ZNF484: variants seen among roughly 807,000 people sequenced by gnomAD.
The protein encoded by ZNF484 is KRAB box containing C2H2 type zinc finger bA526D8.4.
ZNF484 carries 11 observed loss-of-function variants against 12.9 expected under a neutral mutation model. The ratio of observed to expected loss-of-function variants is 0.85; its 90% CI spans 0.54 to 1.41. The LOEUF (loss-of-function observed/expected upper bound fraction) is 1.41. Among genes scored for constraint, ZNF484 ranks in the 40% most tolerant of loss-of-function variants. The pLI is 0.00. For synonymous variants in ZNF484, 289 were observed against 334.1 expected (o/e 0.86, Z 1.47); for missense variants, 807 against 1,007.7 (o/e 0.80, Z 2.70).
In ZNF484 at chr9:92,847,177, G is replaced by C; in HGVS notation, c.1610C>G (p.Ser537Cys). Residue 537 changes from serine (S) to cysteine (C), a missense_variant, in exon 5 of 5, where the codon TCT (serine) becomes TGT (cysteine). Coordinates refer to ENST00000375495, the MANE Select transcript of ZNF484 (RefSeq NM_031486.4). ...ACACTTCTGATGTATCCTGAGCCGA[G>C]ACTTCCAGGTGAATGATTTTCCACA... ...SDCGKSFTWK[S>C]RLRIHQKCHT... 1 of 1,614,068 alleles carries C rather than the reference G, an allele frequency of 6.2e-7. No individual in the cohort carries two copies. Among genetic ancestry groups the C allele is most frequent in the East Asian group, 2.2e-5 (1 of 44,876 alleles).
intron 2 of ZNF484, chr9:92,862,107 T>G: frequency 1.0e-6 from 1 of 953,904 alleles, no homozygotes; most frequent in Non-Finnish European, 1.2e-6. Flanking sequence ...AGGCTCTGTT[T>G]AAATTCTCTT....
rs772050434 is a variant in ZNF484, at chr9:92,847,957, T to G, written c.830A>C (p.Lys277Thr). Residue 277 changes from lysine to threonine, a missense_variant, in exon 5 of 5, where the codon AAG (lysine) becomes ACG (threonine). Lys to Thr is a moderately conservative substitution (Grantham distance 78). Transcript: ENST00000375495. Reference sequence around the variant, plus strand: ...CTCACATTCATGGCATTCATGCTGCTTTTCTTCAGCACAAATACTCTCATG... The same window carrying G: ...CTCACATTCATGGCATTCATGCTGCGTTTCTTCAGCACAAATACTCTCATG... ...FAHESICAEE[K>T]QHECHECEAV... 6.2e-7 allele frequency: 1 copy of G among 1,614,262 alleles called. No homozygotes were observed. Among genetic ancestry groups the G allele is most frequent in the East Asian group, 2.2e-5 (1 of 44,886 alleles).
chr9:92,865,685 T>C (rs1327629866), intron 2 of ZNF484, among the ~76,000 whole-genome samples: 1 of 152,082 alleles, frequency 6.6e-6, no homozygotes, highest in East Asian at 1.9e-4. Flanking sequence ...GGCAGGAGGA[T>C]TGCTTGAGAG....
rs1466925390 is a variant in ZNF484 at position 92,848,746 on chromosome 9, T to C, written c.236-195A>G. 2.7e-5 allele frequency among the ~76,000 whole-genome samples: 4 copies of C among 150,648 alleles called. No homozygotes were observed. The highest frequency in any genetic ancestry group is 9.8e-5 in the African/African-American group (4 of 40,906). ...CTGCTAAAAAACACTCAAAATATTG[T>C]CTCTACTAAAAATTAGCCAGGCGTG... On this transcript the variant is annotated intron_variant, in intron 4 of 4. Transcript: ENST00000375495. This position sits in a 1 kb window ranked among gnomAD's most constrained non-coding sequence, Gnocchi z 4.1.
chr9:92,869,627 G>A (rs1196557462), intron 2 of ZNF484, among the ~76,000 whole-genome samples: 2 of 152,216 alleles, frequency 1.3e-5, no homozygotes, highest in African/African-American at 2.4e-5. Flanking sequence ...GTGTACGTGA[G>A]TGTCAAGGGC....
chr9:92,852,490 A>G (rs1436810859), intron 4 of ZNF484, among the ~76,000 whole-genome samples: 3 of 148,038 alleles, frequency 2.0e-5, no homozygotes, highest in Non-Finnish European at 4.4e-5. Context: ...GCCTCAGCCT[A>G]AAGTGCTGGG....
At chr9:92,864,983 C>A (rs769769904) in intron 2 of ZNF484, among the ~76,000 whole-genome samples, 5 of 151,878 alleles carry the variant, frequency 3.3e-5, no homozygotes, top group African/African-American at 9.7e-5. Context: ...CTGAACAACA[C>A]AAATAAGCTG....
Position 92,847,799 on chromosome 9 carries a change from AT to A in ZNF484, c.987del (p.Lys329AsnfsTer71). ...QKTPYEGNYY[K>X]CSDYGRAFIQ... is the part of the protein sequence containing the mutation. ...ATAAAGGCTCTTCCATAGTCACTGC[AT>A]TTATAGTAATTCCCCTCATAAGGAG... On this transcript the variant is annotated frameshift_variant, in exon 5 of 5. Transcript: ENST00000375495. LOFTEE classifies it low-confidence loss of function (END_TRUNC). The A allele has an allele frequency of 6.2e-7, 1 of 1,614,056 alleles. No homozygotes were observed. Among genetic ancestry groups the A allele is most frequent in the Non-Finnish European group, 8.5e-7 (1 of 1,180,024 alleles).
Position 92,860,620 on chromosome 9 carries a change from CAACAA to C in ZNF484, c.16-4307_16-4303del, listed in dbSNP as rs1448035846. Among the ~76,000 whole-genome samples, 4 of 124,754 alleles carry C rather than the reference CAACAA, an allele frequency of 3.2e-5. No homozygotes were observed. In the South Asian group the frequency reaches 7.4e-4, roughly 23 times the overall value. 81.8% of individuals were successfully genotyped at this position (124,754 alleles called of 152,430 possible). On this transcript the variant is annotated intron_variant, in intron 2 of 4. Transcript: ENST00000375495. The stretch of plus-strand genomic sequence containing the variant: ...CTCCATCTCAAAAAAAAAAAAAAAA[CAACAA>C]AACAAAACAAACAAAAAAAAACCAG...
intron 2 of ZNF484, among the ~76,000 whole-genome samples, chr9:92,865,292 A>C (rs943159120): frequency 2.0e-4 from 31 of 152,140 alleles, no homozygotes; most frequent in Non-Finnish European, 4.4e-4. Flanking sequence ...ATCAAAACAA[A>C]AACAACAACA....
At chr9:92,860,761 CAA>C (rs1856742553) in intron 2 of ZNF484, among the ~76,000 whole-genome samples, 1 of 152,034 alleles carries the variant, frequency 6.6e-6, no homozygotes, top group Non-Finnish European at 1.5e-5. Flanking sequence ...TGCATTAGCT[CAA>C]AGAGAGGTAG....
intron 1 of ZNF484, among the ~76,000 whole-genome samples, chr9:92,876,692 T>TA (rs1316054356): frequency 2.0e-5 from 3 of 152,136 alleles, no homozygotes; most frequent in Non-Finnish European, 2.9e-5. Flanking sequence ...TGAAAAAGGA[T>TA]AAAAAATGCA....
chr9:92,870,774 G>A (rs1857382808), intron 2 of ZNF484, among the ~76,000 whole-genome samples: 2 of 152,140 alleles, frequency 1.3e-5, no homozygotes, highest in African/African-American at 4.8e-5. Flanking sequence ...CAGAAACAAG[G>A]TACCCTCTCC....
rs916000622 is a variant in ZNF484 at position 92,846,076 on chromosome 9, CT to C, written c.*151del. 9 of 743,838 alleles carry C rather than the reference CT, an allele frequency of 1.2e-5. No homozygotes were observed. In the African/African-American group the frequency reaches 1.4e-4, roughly 12 times the overall value. The allele number at this position is 743,838 out of a possible 1,614,324, so 46.1% of individuals were successfully genotyped here. A position where few individuals can be genotyped will look rare whatever the true frequency, so the allele number is the denominator to read the frequency against. On this transcript the variant is annotated 3_prime_UTR_variant, in exon 5 of 5. Transcript: ENST00000375495. ...AACAAGAAAGACTGCCAATCATCTC[CT>C]TGCACATTTACTATTATTTGCAGGA...
Position 92,877,988 on chromosome 9 carries a change from T to A in ZNF484, c.-129A>T, listed in dbSNP as rs1857944329. 1.1e-6 allele frequency: 1 copy of A among 931,516 alleles called. No individual in the cohort carries two copies. Among genetic ancestry groups the A allele is most frequent in the Admixed American group, 2.4e-5 (1 of 42,210 alleles). 57.7% of individuals were successfully genotyped at this position (931,516 alleles called of 1,614,324 possible). A position where few individuals can be genotyped will look rare whatever the true frequency, so the allele number is the denominator to read the frequency against. On this transcript the variant is annotated 5_prime_UTR_variant, in exon 1 of 5. Coordinates refer to ENST00000375495, the MANE Select transcript of ZNF484 (RefSeq NM_031486.4). ...ACAGGACCCACTTCCTTTTTCTCAATGCCTCCCAGGCCTAGAGGTACTTCT... is the reference window on the plus strand; with the variant it reads ...ACAGGACCCACTTCCTTTTTCTCAAAGCCTCCCAGGCCTAGAGGTACTTCT...
rs1223489557 is a variant in ZNF484 at position 92,845,784 on chromosome 9, T to C, written c.*444A>G. On this transcript the variant is annotated 3_prime_UTR_variant, in exon 5 of 5. Coordinates refer to ENST00000375495, the MANE Select transcript of ZNF484 (RefSeq NM_031486.4). This position sits in a 1 kb window ranked among gnomAD's most constrained non-coding sequence, Gnocchi z 4.0. ...AGATATAACAATAAATAATGGTGAC[T>C]TCCCAAAGAAAATTTTAAAAAAAGT... 6.3e-6 allele frequency: 1 copy of C among 157,510 alleles called. No homozygotes were observed. Among genetic ancestry groups the C allele is most frequent in the Non-Finnish European group, 1.4e-5 (1 of 71,562 alleles). The allele number at this position is 157,510 out of a possible 1,614,324, so 9.8% of individuals were successfully genotyped here.
rs370668640 is a variant in ZNF484 at position 92,845,615 on chromosome 9, A to G, written c.*613T>C. 2.6e-5 allele frequency: 4 copies of G among 152,238 alleles called. No homozygotes were observed. The highest frequency in any genetic ancestry group is 9.7e-5 in the African/African-American group (4 of 41,448). The allele number at this position is 152,238 out of a possible 1,614,324, so 9.4% of individuals were successfully genotyped here. The stretch of plus-strand genomic sequence containing the variant: ...TTCTGTGGTGAAAGCTGAGGATCTA[A>G]AGTGCTGCTATCTAGACCTGGGTCC... On this transcript the variant is annotated 3_prime_UTR_variant, in exon 5 of 5. Coordinates refer to ENST00000375495, the MANE Select transcript of ZNF484 (RefSeq NM_031486.4). The surrounding 1 kb of genome is among the most constrained non-coding windows in gnomAD (Gnocchi z 4.0).
Position 92,847,966 on chromosome 9 carries a change from G to A in ZNF484, c.821C>T (p.Ala274Val), listed in dbSNP as rs1855785978. 1 of 1,614,160 alleles carries A rather than the reference G, an allele frequency of 6.2e-7. No homozygotes were observed. The highest frequency in any genetic ancestry group is 8.5e-7 in the Non-Finnish European group (1 of 1,180,030). ...SHAFAHESIC[A>V]EEKQHECHEC... ...ATGGCATTCATGCTGCTTTTCTTCA[G>A]CACAAATACTCTCATGTGCAAAGGC... The change falls in exon 5 of 5, where the codon GCT (alanine) becomes GTT (valine). Residue 274 changes from alanine (A) to valine (V), a missense_variant. By Grantham distance (64) the Ala-to-Val change is moderately conservative. Transcript: ENST00000375495.
intron 2 of ZNF484, among the ~76,000 whole-genome samples, chr9:92,872,563 G>T (rs530047830): frequency 1.3e-5 from 2 of 151,208 alleles, no homozygotes; most frequent in African/African-American, 4.8e-5. Context: ...GACTACAAAA[G>T]AGTGGTCAGA....
Sources: allele counts gnomAD v4.1 joint callset (sites outside exome capture counted in the v4.1 genomes callset), GRCh38; gene constraint gnomAD v4.1.1; non-coding constraint Gnocchi (gnomAD v3.1); transcripts MANE v1.5; gene names NCBI Gene and HGNC (gene_info 2026-07-23, HGNC 2026-07-21).